The following USP31 variants were observed in gnomAD, a reference collection of about 807,000 sequenced individuals.
USP31 encodes ubiquitin specific peptidase 31, also known as ubiquitin carboxyl-terminal hydrolase 31.
USP31 carries 44 observed loss-of-function variants against 119.4 expected under a neutral mutation model. The observed-to-expected ratio is 0.37, with a 90% CI of 0.29 to 0.47. The LOEUF is 0.47. Ranked by LOEUF, USP31 falls within the 20% of genes least tolerant of loss-of-function variation. USP31 has a pLI of 0.99. For missense variants in USP31, 1,643 were observed against 1,730.2 expected, an observed-to-expected ratio of 0.95 and a Z score of 0.89; for synonymous variants, 749 against 705.6, an observed-to-expected ratio of 1.06 and a Z score of -0.97.
At chr16:23,108,225 T>A (rs923196155) in intron 1 of USP31, 42 bp from the exon 2 acceptor site, 1 of 1,556,730 alleles carries the variant, frequency 6.4e-7, no homozygotes, top group Non-Finnish European at 8.7e-7. Flanking sequence ...TGTGAGTTCC[T>A]GGCTTTAAAG....
intron 13 of USP31, among the ~76,000 whole-genome samples, chr16:23,076,443 A>G (rs538802949): frequency 6.6e-6 from 1 of 152,338 alleles, no homozygotes; most frequent in South Asian, 2.1e-4. Flanking sequence ...GAAATAATAC[A>G]GAAAACATCT....
chr16:23,124,906 A>C (rs1298408673), intron 1 of USP31, among the ~76,000 whole-genome samples: 1 of 152,136 alleles, frequency 6.6e-6, no homozygotes, highest in Non-Finnish European at 1.5e-5. Flanking sequence ...TAAGAAAATA[A>C]AAAAAACCCT....
chr16:23,124,445 T>A (rs572208543), intron 1 of USP31, among the ~76,000 whole-genome samples: 1 of 152,348 alleles, frequency 6.6e-6, no homozygotes, highest in South Asian at 2.1e-4. Context: ...CACTGTGTTA[T>A]TCAACGACGA....
At chr16:23,098,788 G>T (rs1308081056) in intron 6 of USP31, among the ~76,000 whole-genome samples, 1 of 152,136 alleles carries the variant, frequency 6.6e-6, no homozygotes, top group East Asian at 1.9e-4. Context: ...GCTGAAACTG[G>T]ATCTCTTCCT....
At chr16:23,138,905 T>C (rs1903269431) in intron 1 of USP31, among the ~76,000 whole-genome samples, 2 of 152,302 alleles carry the variant, frequency 1.3e-5, no homozygotes, top group South Asian at 4.1e-4. Context: ...TCCTATCCTA[T>C]TGCAATTATT....
At chr16:23,145,263 T>C (rs1056275966) in intron 1 of USP31, among the ~76,000 whole-genome samples, 1 of 152,184 alleles carries the variant, frequency 6.6e-6, no homozygotes, top group East Asian at 1.9e-4. Flanking sequence ...GGGAGCTTGT[T>C]AGAAATGCAG....
rs917238664 is a variant in USP31, at chr16:23,064,682, CAGG to C, written c.*3361_*3363del. The C allele has an allele frequency of 1.6e-4, 24 of 152,318 alleles. No homozygotes were observed. Among genetic ancestry groups the C allele is most frequent in the African/African-American group, 5.1e-4 (21 of 41,556 alleles). The allele number at this position is 152,318 out of a possible 1,614,324, so 9.4% of individuals were successfully genotyped here. ...CCGGAATCCACGTGATCTCTTTTCC[CAGG>C]AGAACTGTCACTCCATTTAGGACAC... On this transcript the variant is annotated 3_prime_UTR_variant, in exon 16 of 16. Coordinates refer to ENST00000219689, the MANE Select transcript of USP31 (RefSeq NM_020718.4).
In USP31 at chr16:23,133,919, TAAC is replaced by T. The variant is rs568285283; in HGVS notation, c.633+14716_633+14718del. 2.0e-3 allele frequency among the ~76,000 whole-genome samples: 302 copies of T among 151,796 alleles called. 1 individual carries two copies. Among genetic ancestry groups the T allele is most frequent in the Non-Finnish European group, 3.5e-3 (239 of 67,970 alleles). ...GGCAAAACCCATCTCTACAAAAAAA[TAAC>T]AAAAGTTAGCCAGGCGTGGTGGCAT... On this transcript the variant is annotated intron_variant, in intron 1 of 15. Coordinates refer to ENST00000219689, the MANE Select transcript of USP31 (RefSeq NM_020718.4).
At chr16:23,085,431 T>C (rs974738020) in intron 10 of USP31, among the ~76,000 whole-genome samples, 154 bp downstream of exon 10, 5 of 152,172 alleles carry the variant, frequency 3.3e-5, no homozygotes, top group Non-Finnish European at 5.9e-5. Context: ...AAAGGAATAA[T>C]AAACTGCTTA....
intron 6 of USP31, among the ~76,000 whole-genome samples, chr16:23,092,978 T>C (rs1901435693): frequency 6.6e-6 from 1 of 152,098 alleles, no homozygotes; most frequent in African/African-American, 2.4e-5. Flanking sequence ...CAAGTAAATA[T>C]TTACTTGTCC....
At chr16:23,092,248 T>TG (rs1901396294) in intron 6 of USP31, among the ~76,000 whole-genome samples, 1 of 152,214 alleles carries the variant, frequency 6.6e-6, no homozygotes, top group Non-Finnish European at 1.5e-5. Flanking sequence ...TAGAATACAA[T>TG]AACCTTTGGA....
At chr16:23,116,442 A>G (rs1183616713) in intron 1 of USP31, among the ~76,000 whole-genome samples, 1 of 152,196 alleles carries the variant, frequency 6.6e-6, no homozygotes, top group African/African-American at 2.4e-5. Flanking sequence ...GCTAAAACAT[A>G]AGGGATAAAA....
chr16:23,130,417 C>A (rs969191820), intron 1 of USP31, among the ~76,000 whole-genome samples: 1 of 151,734 alleles, frequency 6.6e-6, no homozygotes, highest in Non-Finnish European at 1.5e-5. Flanking sequence ...GACACCCCCC[C>A]CCCAACTAAT....
chr16:23,140,844 TCTC>T (rs1715357686), intron 1 of USP31, among the ~76,000 whole-genome samples: 3 of 152,262 alleles, frequency 2.0e-5, no homozygotes, highest in South Asian at 2.1e-4. Flanking sequence ...TTCTGGATGC[TCTC>T]CTCAACGTTC....
intron 8 of USP31, 79 bp from the exon 9 acceptor site, chr16:23,087,265 ATTAGAG>A (rs1291122325): frequency 7.8e-7 from 1 of 1,275,800 alleles, no homozygotes; most frequent in Admixed American, 2.0e-5. Flanking sequence ...TCCAAAACAG[ATTAGAG>A]TTACAGTAAA....
In USP31 at chr16:23,087,205, G is replaced by GTTC; in HGVS notation, c.1528-20_1528-19insGAA. ...GACACACCTGCATCAGATGTTAGAT[G>GTTC]AGAATTAAGCCAAATTTTTCTTCAA... On this transcript the variant is annotated intron_variant, in intron 8 of 15. Transcript: ENST00000219689. 1 of 1,605,292 alleles carries GTTC rather than the reference G, an allele frequency of 6.2e-7. No individual in the cohort carries two copies. Among genetic ancestry groups the GTTC allele is most frequent in the Non-Finnish European group, 8.5e-7 (1 of 1,177,158 alleles).
chr16:23,115,763 C>A, intron 1 of USP31: 1 of 984,470 alleles, frequency 1.0e-6, no homozygotes, highest in Non-Finnish European at 1.2e-6. Flanking sequence ...AAAACACTTA[C>A]CGGGTTTTCA....
chr16:23,105,378 C>G, intron 5 of USP31, 63 bp downstream of exon 5: 1 of 1,457,858 alleles, frequency 6.9e-7, no homozygotes, highest in Non-Finnish European at 9.1e-7. Flanking sequence ...GTAAAAAATT[C>G]TAAGAGAACA....
chr16:23,065,378 T>A lies in USP31; in HGVS notation c.*2668A>T, dbSNP rs1185858548. On this transcript the variant is annotated 3_prime_UTR_variant, in exon 16 of 16. Transcript: ENST00000219689. ...GAAACCAACACCAAGTCCCCAACCCTACCAATGAACTAAATTGAATCAAGT... is the reference window on the plus strand; with the variant it reads ...GAAACCAACACCAAGTCCCCAACCCAACCAATGAACTAAATTGAATCAAGT... 12 of 149,638 alleles carry A rather than the reference T, an allele frequency of 8.0e-5. No individual in the cohort carries two copies. The highest frequency in any genetic ancestry group is 2.7e-4 in the African/African-American group (11 of 40,634). 9.3% of individuals were successfully genotyped at this position (149,638 alleles called of 1,614,324 possible).
Sources: gnomAD v4.1 joint callset for allele counts (sites outside exome capture counted in the v4.1 genomes callset) on GRCh38, gnomAD v4.1.1 for gene constraint, MANE v1.5 for transcripts, NCBI Gene and HGNC (gene_info 2026-07-23, HGNC 2026-07-21) for gene names.